TTLL10: variants seen among roughly 807,000 people sequenced by gnomAD.
TTLL10 encodes tubulin tyrosine ligase like 10, also known as inactive polyglycylase TTLL10.
Under a neutral mutation model 69.0 loss-of-function variants are expected in TTLL10, and 61 were observed. The ratio of observed to expected loss-of-function variants is 0.88; its 90% CI spans 0.72 to 1.09. The LOEUF is 1.09. Ranked by LOEUF, TTLL10 falls within the 50% of genes least tolerant of loss-of-function variation. TTLL10 has a pLI of 0.00. For synonymous variants in TTLL10, 408 were observed against 393.3 expected, an observed-to-expected ratio of 1.04 and a Z score of -0.44; for missense variants, 962 against 945.9, an observed-to-expected ratio of 1.02 and a Z score of -0.22.
At chr1:1,180,881 G>A in intron 8 of TTLL10, 21 bp downstream of exon 8, 2 of 1,533,426 alleles carry the variant, frequency 1.3e-6, no homozygotes, top group African/African-American at 2.9e-5. Context: ...CCCTGCCCCT[G>A]CCCCCGTCCC....
Position 1,183,015 on chromosome 1 carries a change from G to A in TTLL10, c.1056G>A (p.Pro352=), listed in dbSNP as rs1414964549. Residue 352 remains proline, a synonymous_variant, in exon 11 of 16, where the codon CCG becomes CCA. Transcript: ENST00000379289. The stretch of plus-strand genomic sequence containing the variant: ...ACGACCCCATCCACCACAAGACGCC[G>A]TTCCGGGGGCCTCAGGCGCGGGTGG... ...MEDDPIHHKT[P]FRGPQARVVQ... 30 of 1,609,134 alleles carry A rather than the reference G, an allele frequency of 1.9e-5. No homozygotes were observed. The highest frequency in any genetic ancestry group is 1.6e-4 in the Middle Eastern group (1 of 6,074).
intron 3 of TTLL10, among the ~76,000 whole-genome samples, chr1:1,177,849 G>C (rs2100849801): frequency 6.6e-6 from 1 of 152,326 alleles, no homozygotes; most frequent in South Asian, 2.1e-4. Context: ...TCCTGTTCTG[G>C]GTGGGGAGGG....
rs1202498273 is a variant in TTLL10, at chr1:1,180,762, CA to C, written c.659del (p.Lys220SerfsTer20). 1 of 1,608,714 alleles carries C rather than the reference CA, an allele frequency of 6.2e-7. No homozygotes were observed. Among genetic ancestry groups the C allele is most frequent in the African/African-American group, 1.3e-5 (1 of 74,642 alleles). On this transcript the variant is annotated frameshift_variant, in exon 8 of 16. Coordinates refer to ENST00000379289, the MANE Select transcript of TTLL10 (RefSeq NM_001130045.2). LOFTEE classifies it high-confidence loss of function. ...AGCTGCTGTACCAGCTTCCCAACAA[CA>C]AGCTCCTCACCACCAAGATCGGGCT... The part of the protein sequence containing the change: ...EQLLYQLPNN[K>X]LLTTKIGLLS...
At chr1:1,191,951 G>A (rs947183121) in intron 13 of TTLL10, among the ~76,000 whole-genome samples, 6 of 152,252 alleles carry the variant, frequency 3.9e-5, no homozygotes, top group East Asian at 3.8e-4. Context: ...CGCCCTGGGC[G>A]GGCCAGGTGT....
chr1:1,181,592 C>T lies in TTLL10; in HGVS notation c.756-149C>T, dbSNP rs1311274345. ...AGCCTAGAGCAACACAGCTGTTTCC[C>T]CCAGGCACCGCCGTCCACCCAGCCA... On this transcript the variant is annotated intron_variant, in intron 8 of 15. Transcript: ENST00000379289. The surrounding 1 kb of genome is among the most constrained non-coding windows in gnomAD (Gnocchi z 4.6). The T allele has an allele frequency of 7.2e-6, 5 of 693,988 alleles. No homozygotes were observed. The highest frequency in any genetic ancestry group is 2.7e-5 in the Admixed American group (1 of 37,440). The allele number at this position is 693,988 out of a possible 1,614,324, so 43.0% of individuals were successfully genotyped here. A position where few individuals can be genotyped will look rare whatever the true frequency, so the allele number is the denominator to read the frequency against.
intron 11 of TTLL10, 122 bp downstream of exon 11, chr1:1,183,169 T>C (rs1187021377): frequency 1.1e-5 from 14 of 1,243,524 alleles, no homozygotes; most frequent in Non-Finnish European, 1.5e-5. Flanking sequence ...CACCAGCCCC[T>C]GTGCAGACCA....
At chr1:1,190,255 T>C (rs1647659353) in intron 13 of TTLL10, among the ~76,000 whole-genome samples, 1 of 151,868 alleles carries the variant, frequency 6.6e-6, no homozygotes, top group Non-Finnish European at 1.5e-5. Context: ...TCCTTTTTTT[T>C]TTTTTCTTTT....
At chr1:1,183,566 T>C (rs1393235896) in intron 11 of TTLL10, among the ~76,000 whole-genome samples, 2 of 152,180 alleles carry the variant, frequency 1.3e-5, no homozygotes, top group African/African-American at 4.8e-5. Context: ...TCCCTCCACC[T>C]GGCGAGCTCT....
At chr1:1,174,559 C>T (rs1168568710) in intron 3 of TTLL10, 70 bp downstream of exon 3, 1 of 152,252 alleles carries the variant, frequency 6.6e-6, no homozygotes, top group Non-Finnish European at 1.5e-5. Context: ...TACACCGTGT[C>T]CCCACCGAGG....
At chr1:1,174,260 C>G (rs1646816032) in intron 1 of TTLL10, 25 bp from the exon 2 acceptor site, 1 of 152,638 alleles carries the variant, frequency 6.6e-6, no homozygotes. Context: ...CTGCTTGAGC[C>G]CACAGGTCGT....
intron 10 of TTLL10, among the ~76,000 whole-genome samples, 160 bp downstream of exon 10, chr1:1,182,606 G>A (rs1647106573): frequency 6.6e-6 from 1 of 152,090 alleles, no homozygotes; most frequent in South Asian, 2.1e-4. Flanking sequence ...GGCCTGGTCT[G>A]GGTGGGGACT....
At chr1:1,193,104 A>G (rs1253479702) in intron 13 of TTLL10, among the ~76,000 whole-genome samples, 1 of 152,220 alleles carries the variant, frequency 6.6e-6, no homozygotes, top group East Asian at 1.9e-4. Flanking sequence ...AGGCAGGTGG[A>G]TCACAAGGTC....
intron 13 of TTLL10, among the ~76,000 whole-genome samples, chr1:1,195,674 G>A (rs1161847541): frequency 6.6e-6 from 1 of 150,948 alleles, no homozygotes; most frequent in Non-Finnish European, 1.5e-5. Flanking sequence ...CAGTCTCACT[G>A]TGTCACCCAG....
intron 1 of TTLL10, 170 bp downstream of exon 1, chr1:1,174,096 C>A (rs12141369): frequency 0.18 from 27,521 of 150,878 alleles, 2,657 homozygotes; most frequent in South Asian, 0.39. Flanking sequence ...CTGCGGGTCC[C>A]GGACCCCAGC....
rs186127282 is a variant in TTLL10 at position 1,177,351 on chromosome 1, G to A, written c.-27-1838G>A. On this transcript the variant is annotated intron_variant, in intron 3 of 15. Coordinates refer to ENST00000379289, the MANE Select transcript of TTLL10 (RefSeq NM_001130045.2). Reference sequence around the variant, plus strand: ...TTTTGAGACGGAGTCTCGCTCTGTCGCCCAGGCTGGAGTGCAGTGGCACGA... The same window carrying A: ...TTTTGAGACGGAGTCTCGCTCTGTCACCCAGGCTGGAGTGCAGTGGCACGA... Among the ~76,000 whole-genome samples, 726 of 151,698 alleles carry A rather than the reference G, an allele frequency of 4.8e-3. 3 individuals carry two copies. Among genetic ancestry groups the A allele is most frequent in the Non-Finnish European group, 8.6e-3 (582 of 67,874 alleles).
Position 1,177,180 on chromosome 1 carries a change from G to A in TTLL10, c.-27-2009G>A, listed in dbSNP as rs963571090. Among the ~76,000 whole-genome samples, 4 of 151,924 alleles carry A rather than the reference G, an allele frequency of 2.6e-5. No homozygotes were observed. In the South Asian group the frequency reaches 6.2e-4, roughly 24 times the overall value. ...TTTATAGGTGTGTGTGTGCATGTCT[G>A]TAGGTGTGTCTGTGCATCCATGTGT... On this transcript the variant is annotated intron_variant, in intron 3 of 15. Coordinates refer to ENST00000379289, the MANE Select transcript of TTLL10 (RefSeq NM_001130045.2).
chr1:1,185,533 C>T lies in TTLL10; in HGVS notation c.1401+424C>T. On this transcript the variant is annotated intron_variant, in intron 13 of 15. Coordinates refer to ENST00000379289, the MANE Select transcript of TTLL10 (RefSeq NM_001130045.2). The surrounding 1 kb of genome is among the most constrained non-coding windows in gnomAD (Gnocchi z 6.1). ...GGCCCGGACTCTCCCTAGCTAAGGGCCATGTGCGGTGGAGTGTCCTAATTT... is the reference window on the plus strand; with the variant it reads ...GGCCCGGACTCTCCCTAGCTAAGGGTCATGTGCGGTGGAGTGTCCTAATTT... 1 of 1,019,282 alleles carries T rather than the reference C, an allele frequency of 9.8e-7. No individual in the cohort carries two copies. The highest frequency in any genetic ancestry group is 1.2e-6 in the Non-Finnish European group (1 of 852,844). 63.1% of individuals were successfully genotyped at this position (1,019,282 alleles called of 1,614,324 possible). A position where few individuals can be genotyped will look rare whatever the true frequency, so the allele number is the denominator to read the frequency against.
intron 5 of TTLL10, 130 bp from the exon 6 acceptor site, chr1:1,179,904 A>G: frequency 7.0e-7 from 1 of 1,436,702 alleles, no homozygotes. Context: ...GCTGAACTTG[A>G]GCCCCAGACG....
At chr1:1,177,987 C>T (rs1423644272) in intron 3 of TTLL10, among the ~76,000 whole-genome samples, 2 of 152,206 alleles carry the variant, frequency 1.3e-5, no homozygotes, top group Non-Finnish European at 2.9e-5. Flanking sequence ...GTCCCAGTGG[C>T]CCCACCCGAC....
Sources: gnomAD v4.1 joint callset for allele counts (sites outside exome capture counted in the v4.1 genomes callset) on GRCh38, gnomAD v4.1.1 for gene constraint, Gnocchi (gnomAD v3.1) non-coding constraint, MANE v1.5 for transcripts, NCBI Gene and HGNC (gene_info 2026-07-23, HGNC 2026-07-21) for gene names.